Variants in DNAH3 observed in about 807,000 individuals in gnomAD.
The protein encoded by DNAH3 is axonemal beta dynein heavy chain 3.
A neutral mutation model predicts 432.5 loss-of-function variants in DNAH3; 332 were observed. That is an observed-to-expected ratio of 0.77 (90% CI 0.70 to 0.84). DNAH3 has a LOEUF of 0.84. Ranked by LOEUF, DNAH3 falls within the 40% of genes least tolerant of loss-of-function variation. The pLI, the probability that DNAH3 is intolerant of heterozygous loss-of-function variation, is 0.00. For missense variants in DNAH3, 4,861 were observed against 5,114.0 expected (o/e 0.95, Z 1.51); for synonymous variants, 1,956 against 1,900.2 (o/e 1.03, Z -0.76).
At chr16:21,062,255 CAA>C (rs1399688372) in intron 25 of DNAH3, among the ~76,000 whole-genome samples, 2 of 152,074 alleles carry the variant, frequency 1.3e-5, no homozygotes, top group East Asian at 3.9e-4. Flanking sequence ...TTAAAATCCA[CAA>C]ATTTAATATG....
Position 21,125,295 on chromosome 16 carries a change from A to G in DNAH3, c.1284T>C (p.Tyr428=), listed in dbSNP as rs1356376432. ...ATTCCTCAATGTTTCGACTTGAGTC[A>G]TAGTTGCTCTTGGGAGCAAAATGAA... is the stretch of plus-strand genomic sequence containing the variant. Residue 428 remains tyrosine (Y), a synonymous_variant, in exon 9 of 62, where the codon TAT becomes TAC. Coordinates refer to ENST00000261383, the Ensembl canonical transcript of DNAH3. The G allele has an allele frequency of 5.0e-6, 8 of 1,613,652 alleles. No individual in the cohort carries two copies. The East Asian group carries it at 1.6e-4, about 31-fold the overall frequency.
Position 21,056,403 on chromosome 16 carries a change from T to C in DNAH3, c.3924+1683A>G, listed in dbSNP as rs372973684. On this transcript the variant is annotated intron_variant, in intron 27 of 61. Coordinates refer to ENST00000261383, the Ensembl canonical transcript of DNAH3. ...CTCCCTCCCTCCCTCCCTCTCTCCC[T>C]TCCTTCCTTCCTTCTTTAAACCCTC... is the stretch of plus-strand genomic sequence containing the variant. Among the ~76,000 whole-genome samples, 84 of 122,464 alleles carry C rather than the reference T, an allele frequency of 6.9e-4. 2 individuals carry two copies. The highest frequency in any genetic ancestry group is 2.5e-3 in the African/African-American group (79 of 31,796). 80.3% of individuals were successfully genotyped at this position (122,464 alleles called of 152,430 possible). A position where few individuals can be genotyped will look rare whatever the true frequency, so the allele number is the denominator to read the frequency against.
chr16:20,975,152 C>T (rs2085527630), intron 51 of DNAH3, 81 bp downstream of exon 51: 5 of 1,525,208 alleles, frequency 3.3e-6, no homozygotes, highest in Non-Finnish European at 4.4e-6. Flanking sequence ...TTCTGAGCCT[C>T]ACTTTTCTCA....
intron 12 of DNAH3, among the ~76,000 whole-genome samples, chr16:21,113,828 T>A (rs1234783793): frequency 6.6e-6 from 1 of 152,182 alleles, no homozygotes; most frequent in Non-Finnish European, 1.5e-5. Context: ...TTAACTGTAA[T>A]AAAGCACACA....
intron 53 of DNAH3, among the ~76,000 whole-genome samples, chr16:20,960,358 G>T (rs1042316549): frequency 6.6e-6 from 1 of 152,144 alleles, no homozygotes; most frequent in Non-Finnish European, 1.5e-5. Context: ...CATAAAGTTA[G>T]AATTCTCAAA....
At chr16:21,155,315 A>G (rs1045462986) in intron 1 of DNAH3, among the ~76,000 whole-genome samples, 7 of 152,098 alleles carry the variant, frequency 4.6e-5, no homozygotes, top group Non-Finnish European at 1.0e-4. Context: ...TCAGTCAAAC[A>G]ATTTTTCAGG....
chr16:21,092,698 CAAAAAAA>C (rs61277332), intron 18 of DNAH3, among the ~76,000 whole-genome samples: 2 of 11,532 alleles, frequency 1.7e-4, no homozygotes, highest in African/African-American at 3.3e-4. Context: ...AAAATATTTG[CAAAAAAA>C]AAAAAAAAAA....
intron 20 of DNAH3, among the ~76,000 whole-genome samples, chr16:21,079,882 A>G (rs966546754): frequency 6.6e-6 from 1 of 152,184 alleles, no homozygotes; most frequent in African/African-American, 2.4e-5. Flanking sequence ...CAGGTGGCAG[A>G]AAGATTCAGG....
chr16:21,103,299 A>G (rs556567526), intron 16 of DNAH3, among the ~76,000 whole-genome samples: 85 of 150,428 alleles, frequency 5.7e-4, no homozygotes, highest in Non-Finnish European at 1.1e-3. Flanking sequence ...TGTTCCCCCA[A>G]AAACCTATGG....
intron 57 of DNAH3, among the ~76,000 whole-genome samples, chr16:20,945,142 T>G (rs909447438): frequency 6.6e-6 from 1 of 152,186 alleles, no homozygotes; most frequent in Non-Finnish European, 1.5e-5. Context: ...ATAAAACAGG[T>G]TGTGGTAAAG....
intron 26 of DNAH3, among the ~76,000 whole-genome samples, chr16:21,059,420 A>T (rs1007744851): frequency 6.6e-6 from 1 of 152,180 alleles, no homozygotes; most frequent in Admixed American, 6.5e-5. Context: ...CCAGGACTTT[A>T]GTGTGAGGGT....
chr16:21,051,961 T>A, intron 28 of DNAH3, 93 bp from the exon 29 acceptor site: 2 of 950,842 alleles, frequency 2.1e-6, no homozygotes, highest in Non-Finnish European at 3.3e-6. Context: ...GTTATCAAGG[T>A]CCCCCATTCT....
intron 58 of DNAH3, among the ~76,000 whole-genome samples, chr16:20,944,083 G>C (rs1005228439): frequency 1.3e-5 from 2 of 151,574 alleles, no homozygotes; most frequent in Non-Finnish European, 2.9e-5. Context: ...CTTTTTGTGC[G>C]TATCATGACT....
intron 57 of DNAH3, among the ~76,000 whole-genome samples, chr16:20,947,919 G>A (rs2084123963): frequency 6.6e-6 from 1 of 152,062 alleles, no homozygotes; most frequent in South Asian, 2.1e-4. Context: ...GGGATTACAG[G>A]CAGGCGCCAC....
chr16:21,101,089 A>G (rs1169368535), intron 16 of DNAH3, among the ~76,000 whole-genome samples: 1 of 152,184 alleles, frequency 6.6e-6, no homozygotes, highest in African/African-American at 2.4e-5. Flanking sequence ...GGAAATTGAA[A>G]ATTCATTTAA....
At chr16:21,131,436 GAAGA>G (rs147176563) in intron 7 of DNAH3, among the ~76,000 whole-genome samples, 7 of 143,620 alleles carry the variant, frequency 4.9e-5, no homozygotes, top group Non-Finnish European at 1.0e-4. Context: ...GAAAAGAAAG[GAAGA>G]AAGAAAGAAG....
At chr16:21,024,747 T>C (rs766934643) in intron 38 of DNAH3, 46 bp from the exon 39 acceptor site, 6 of 1,407,888 alleles carry the variant, frequency 4.3e-6, no homozygotes, top group Non-Finnish European at 6.0e-6. Context: ...TCTTTGTTAC[T>C]AATACGGGTT....
chr16:21,128,386 A>AAAAAT (rs1555569156), intron 7 of DNAH3, among the ~76,000 whole-genome samples: 11 of 150,236 alleles, frequency 7.3e-5, no homozygotes, highest in African/African-American at 2.7e-4. Flanking sequence ...TCATCTCTCC[A>AAAAAT]AAAACAAAAC....
intron 3 of DNAH3, among the ~76,000 whole-genome samples, chr16:21,142,458 T>C (rs1420691225): frequency 6.6e-6 from 1 of 152,066 alleles, no homozygotes; most frequent in Non-Finnish European, 1.5e-5. Context: ...TTTATGATTA[T>C]CACAAATAAA....
Sources: gnomAD v4.1 joint callset for allele counts (sites outside exome capture counted in the v4.1 genomes callset) on GRCh38, gnomAD v4.1.1 for gene constraint, MANE v1.5 for transcripts, NCBI Gene and HGNC (gene_info 2026-07-23, HGNC 2026-07-21) for gene names.